The following FARS2 variants were observed in gnomAD, a reference collection of about 807,000 sequenced individuals.
The protein encoded by FARS2 is phenylalanine--tRNA ligase, mitochondrial.
A neutral mutation model predicts 46.4 loss-of-function variants in FARS2; 40 were observed. The observed-to-expected ratio is 0.86, with a 90% CI of 0.67 to 1.12. The LOEUF (loss-of-function observed/expected upper bound fraction) is 1.12, where lower values mean the gene tolerates loss of function less well. Among genes scored for constraint, FARS2 ranks in the 50% most tolerant of loss-of-function variants. The probability of loss-of-function intolerance (pLI) is 0.00; values close to 1 mark genes in which losing one functional copy is unlikely to be tolerated. For missense variants in FARS2, 513 were observed against 567.9 expected (o/e 0.90, Z 0.98); for synonymous variants, 234 against 214.9 (o/e 1.09, Z -0.78).
chr6:5,513,047 A>G (rs576462226), intron 4 of FARS2, among the ~76,000 whole-genome samples: 4 of 152,244 alleles, frequency 2.6e-5, no homozygotes, highest in East Asian at 3.9e-4. Flanking sequence ...AGAGGGGTGG[A>G]TGGCAGGCTG....
intron 1 of FARS2, among the ~76,000 whole-genome samples, chr6:5,349,193 A>C (rs1757419947): frequency 6.6e-6 from 1 of 152,254 alleles, no homozygotes; most frequent in African/African-American, 2.4e-5. Flanking sequence ...TTAGCAATGA[A>C]TATGTGGAAA....
upstream of FARS2, among the ~76,000 whole-genome samples, chr6:5,259,239 G>A (rs1006162352): frequency 3.9e-5 from 6 of 152,300 alleles, no homozygotes; most frequent in African/African-American, 1.4e-4. Context: ...TCCAGACTAT[G>A]GTGAAATCAA....
chr6:5,659,177 A>G (rs1777735404), intron 6 of FARS2, among the ~76,000 whole-genome samples: 1 of 152,126 alleles, frequency 6.6e-6, no homozygotes, highest in Non-Finnish European at 1.5e-5. Context: ...GCTTGTTCAC[A>G]TGGTTAATTA....
At chr6:5,529,416 TC>T (rs2150449823) in intron 4 of FARS2, among the ~76,000 whole-genome samples, 1 of 152,302 alleles carries the variant, frequency 6.6e-6, no homozygotes, top group African/African-American at 2.4e-5. Context: ...CAATCGATTC[TC>T]CTACCTCAGC....
intron 2 of FARS2, among the ~76,000 whole-genome samples, chr6:5,387,001 G>T (rs78788760): frequency 6.6e-6 from 1 of 152,098 alleles, no homozygotes; most frequent in Admixed American, 6.5e-5. Flanking sequence ...GTCCCTTGGC[G>T]TACAAATATT....
intron 3 of FARS2, among the ~76,000 whole-genome samples, chr6:5,423,660 G>C (rs1238325776): frequency 1.3e-5 from 2 of 152,106 alleles, no homozygotes; most frequent in African/African-American, 4.8e-5. Flanking sequence ...CCACACTGGA[G>C]GATTTTATTA....
intron 2 of FARS2, among the ~76,000 whole-genome samples, chr6:5,387,000 C>T (rs370045640): frequency 2.0e-5 from 3 of 152,022 alleles, no homozygotes; most frequent in South Asian, 4.2e-4. Flanking sequence ...AGTCCCTTGG[C>T]GTACAAATAT....
At chr6:5,330,359 T>C in intron 1 of FARS2, among the ~76,000 whole-genome samples, 1 of 152,196 alleles carries the variant, frequency 6.6e-6, no homozygotes, top group East Asian at 1.9e-4. Context: ...TACTTCGCCA[T>C]GTAGGTGTAG....
At chr6:5,771,172 G>GTGTA in intron 6 of FARS2, 119 bp from the exon 7 acceptor site, 1 of 1,083,620 alleles carries the variant, frequency 9.2e-7, no homozygotes, top group South Asian at 1.4e-5. Context: ...AATGGTACCT[G>GTGTA]GATTCCAACC....
intron 5 of FARS2, among the ~76,000 whole-genome samples, chr6:5,570,618 T>C (rs1465112563): frequency 6.6e-6 from 1 of 152,200 alleles, no homozygotes; most frequent in Non-Finnish European, 1.5e-5. Context: ...TATTACGCCA[T>C]TTAGCCTTTT....
chr6:5,294,062 C>T (rs1250312388), intron 1 of FARS2, among the ~76,000 whole-genome samples: 4 of 152,194 alleles, frequency 2.6e-5, no homozygotes, highest in Non-Finnish European at 5.9e-5. Context: ...TACAACCTAG[C>T]ATCTAGCCTG....
At chr6:5,378,338 AGTG>A (rs899568347) in intron 2 of FARS2, among the ~76,000 whole-genome samples, 2 of 152,080 alleles carry the variant, frequency 1.3e-5, no homozygotes, top group African/African-American at 4.8e-5. Context: ...TTCCCGCTGG[AGTG>A]AGGCGCTTCT....
At chr6:5,588,004 G>A (rs1186086852) in intron 5 of FARS2, among the ~76,000 whole-genome samples, 1 of 152,106 alleles carries the variant, frequency 6.6e-6, no homozygotes, top group Non-Finnish European at 1.5e-5. Flanking sequence ...AATGGGAGGT[G>A]GGAGAAGGCT....
intron 6 of FARS2, among the ~76,000 whole-genome samples, chr6:5,688,261 G>A (rs1211649565): frequency 6.6e-6 from 1 of 152,132 alleles, no homozygotes; most frequent in Non-Finnish European, 1.5e-5. Flanking sequence ...GTGGGAGAGG[G>A]CATCCCTGTC....
chr6:5,409,289 A>G (rs1172718593), intron 3 of FARS2, among the ~76,000 whole-genome samples: 1 of 152,020 alleles, frequency 6.6e-6, no homozygotes, highest in Non-Finnish European at 1.5e-5. Context: ...TCTCTACTAA[A>G]AATACAAAAA....
chr6:5,358,501 A>T (rs2081359), intron 1 of FARS2, among the ~76,000 whole-genome samples: 23,246 of 152,098 alleles, frequency 0.15, 2,694 homozygotes, highest in African/African-American at 0.33. Flanking sequence ...TGTGTAAGAG[A>T]GAGAGAGAAA....
At chr6:5,387,698 TG>T (rs1160967816) in intron 2 of FARS2, among the ~76,000 whole-genome samples, 1 of 152,142 alleles carries the variant, frequency 6.6e-6, no homozygotes, top group Non-Finnish European at 1.5e-5. Flanking sequence ...GACACTGTGA[TG>T]GGGGTCTCTG....
At chr6:5,533,638 G>A (rs1769999588) in intron 4 of FARS2, among the ~76,000 whole-genome samples, 1 of 152,242 alleles carries the variant, frequency 6.6e-6, no homozygotes, top group African/African-American at 2.4e-5. Flanking sequence ...AAAGGCTGTA[G>A]CGTATTAGAA....
chr6:5,768,669 A>G (rs1762869525), intron 6 of FARS2, among the ~76,000 whole-genome samples: 1 of 152,218 alleles, frequency 6.6e-6, no homozygotes, highest in Non-Finnish European at 1.5e-5. Context: ...TAAAATGAGC[A>G]TCCTAATGGG....
Sources: allele counts gnomAD v4.1 joint callset (sites outside exome capture counted in the v4.1 genomes callset), GRCh38; gene constraint gnomAD v4.1.1; transcripts MANE v1.5; gene names NCBI Gene and HGNC (gene_info 2026-07-23, HGNC 2026-07-21).